Variants in HDAC1 observed in about 807,000 individuals in gnomAD.
HDAC1 encodes histone deacetylase 1, also known as protein deacetylase HDAC1.
HDAC1 carries 18 observed loss-of-function variants against 65.5 expected under a neutral mutation model. The observed-to-expected ratio is 0.27, with a 90% CI of 0.19 to 0.41. The LOEUF (loss-of-function observed/expected upper bound fraction) is 0.41. Ranked by LOEUF, HDAC1 falls within the 10% of genes least tolerant of loss-of-function variation. The pLI is 1.00. For synonymous variants in HDAC1, 211 were observed against 227.9 expected, an observed-to-expected ratio of 0.93 and a Z score of 0.67; for missense variants, 373 against 625.2, an observed-to-expected ratio of 0.60 and a Z score of 4.30.
chr1:32,313,406 T>A (rs1235237520), intron 2 of HDAC1, among the ~76,000 whole-genome samples: 1 of 152,122 alleles, frequency 6.6e-6, no homozygotes, highest in Non-Finnish European at 1.5e-5. Flanking sequence ...CGATAATTAT[T>A]TTAAAAAAGA....
intron 1 of HDAC1, chr1:32,292,485 A>T: frequency 1.0e-6 from 1 of 964,006 alleles, no homozygotes; most frequent in Non-Finnish European, 1.2e-6. Flanking sequence ...GGAGAGTTTG[A>T]GTGGGACTCC....
chr1:32,305,098 A>T (rs1227522281), intron 2 of HDAC1, among the ~76,000 whole-genome samples: 2 of 152,192 alleles, frequency 1.3e-5, no homozygotes, highest in African/African-American at 4.8e-5. Context: ...TTTGATTGTT[A>T]TATAGATGGA....
At position 32,329,038 on chromosome 1, in the gene HDAC1, C is replaced by A; in HGVS notation, c.637-30C>A. ...TGACCTTCCTTCAAGCTTCATCCTT[C>A]AGTTTTACTTTAATGGCCTTTTTAA... On this transcript the variant is annotated intron_variant, in intron 6 of 13. Coordinates refer to ENST00000373548, the MANE Select transcript of HDAC1 (RefSeq NM_004964.3). The surrounding 1 kb of genome is among the most constrained non-coding windows in gnomAD (Gnocchi z 4.1). 1 of 1,318,116 alleles carries A rather than the reference C, an allele frequency of 7.6e-7. No individual in the cohort carries two copies. The highest frequency in any genetic ancestry group is 1.1e-6 in the Non-Finnish European group (1 of 910,596). 81.7% of individuals were successfully genotyped at this position (1,318,116 alleles called of 1,614,324 possible).
intron 3 of HDAC1, among the ~76,000 whole-genome samples, chr1:32,319,078 C>T (rs1046256927): frequency 2.0e-5 from 3 of 151,780 alleles, no homozygotes; most frequent in Non-Finnish European, 4.4e-5. Flanking sequence ...AAGATCGCGC[C>T]ACTGCACTCC....
chr1:32,309,406 G>T (rs936911921), intron 2 of HDAC1, among the ~76,000 whole-genome samples: 4 of 152,058 alleles, frequency 2.6e-5, no homozygotes, highest in African/African-American at 9.7e-5. Flanking sequence ...GACAGCCTTG[G>T]CTGGGTGCCG....
Position 32,305,889 on chromosome 1 carries a change from C to T in HDAC1, c.162+3156C>T, listed in dbSNP as rs115213918. On this transcript the variant is annotated intron_variant, in intron 2 of 13. Coordinates refer to ENST00000373548, the MANE Select transcript of HDAC1 (RefSeq NM_004964.3). ...CCTCCCTAAGTGCTGAGATTACAGG[C>T]GTGAGCCACAGTGCCTGACCCATTT... Among the ~76,000 whole-genome samples, 1,043 of 152,262 alleles carry T rather than the reference C, an allele frequency of 6.9e-3. 16 individuals carry two copies. The highest frequency in any genetic ancestry group is 0.023 in the African/African-American group (967 of 41,558).
At chr1:32,324,373 G>T in intron 3 of HDAC1, 106 bp from the exon 4 acceptor site, 1 of 776,062 alleles carries the variant, frequency 1.3e-6, no homozygotes, top group South Asian at 1.5e-5. Context: ...GCCTGGACTA[G>T]AACCCACACC....
chr1:32,331,795 A>G lies in HDAC1; in HGVS notation c.1208A>G (p.Lys403Arg), dbSNP rs1140673. Residue 403 changes from lysine (K) to arginine (R), a missense_variant, in exon 11 of 14, where the codon AAG becomes AGG. Transcript: ENST00000373548. This position sits in a 1 kb window ranked among gnomAD's most constrained non-coding sequence, Gnocchi z 4.2. ...SGDEDEDDPD[K>R]RISICSSDKR... is the part of the protein sequence containing the mutation. ...GATGAGGACGAAGACGACCCTGACA[A>G]GCGCATCTCGAGTGAGACCCAGACC... 8 of 1,611,728 alleles carry G rather than the reference A, an allele frequency of 5.0e-6. No individual in the cohort carries two copies. The highest frequency in any genetic ancestry group is 6.8e-6 in the Non-Finnish European group (8 of 1,178,808).
chr1:32,318,850 G>A (rs1225244251), intron 3 of HDAC1, among the ~76,000 whole-genome samples: 1 of 152,160 alleles, frequency 6.6e-6, no homozygotes, highest in Non-Finnish European at 1.5e-5. Flanking sequence ...TGGGTGTGGT[G>A]GCTTACGCCT....
chr1:32,295,420 A>T (rs570375549), intron 1 of HDAC1, among the ~76,000 whole-genome samples: 64 of 152,178 alleles, frequency 4.2e-4, no homozygotes, highest in South Asian at 3.1e-3. Context: ...AAAAGAACAT[A>T]AATGTATTTC....
intron 2 of HDAC1, among the ~76,000 whole-genome samples, chr1:32,306,416 G>T (rs578092248): frequency 6.6e-6 from 1 of 151,902 alleles, no homozygotes; most frequent in African/African-American, 2.4e-5. Context: ...CCTTGGCCTC[G>T]CAAAGTCCTG....
At chr1:32,299,528 C>T (rs1640816656) in intron 1 of HDAC1, among the ~76,000 whole-genome samples, 1 of 152,216 alleles carries the variant, frequency 6.6e-6, no homozygotes, top group African/African-American at 2.4e-5. Flanking sequence ...CTTAGTCCCC[C>T]AGGTCTGAGC....
intron 1 of HDAC1, among the ~76,000 whole-genome samples, chr1:32,298,211 C>T (rs990046321): frequency 1.3e-5 from 2 of 151,826 alleles, no homozygotes; most frequent in Non-Finnish European, 2.9e-5. Context: ...CCTCAGCCTT[C>T]CTGAGTAGCT....
In HDAC1 at chr1:32,292,186, G is replaced by A. The variant is rs2124391698; in HGVS notation, c.17G>A (p.Gly6Asp). 6.5e-7 allele frequency: 1 copy of A among 1,548,694 alleles called. No homozygotes were observed. Among genetic ancestry groups the A allele is most frequent in the Non-Finnish European group, 8.7e-7 (1 of 1,146,406 alleles). Residue 6 changes from glycine (G) to aspartate (D), a missense_variant, in exon 1 of 14, where the codon GGC becomes GAC. Physicochemically the swap from Gly to Asp is moderately conservative, Grantham distance 94. Coordinates refer to ENST00000373548, the MANE Select transcript of HDAC1 (RefSeq NM_004964.3). ...GCGAGCAAGATGGCGCAGACGCAGG[G>A]CACCCGGAGGAAAGTCTGTTACTAC... Reference protein sequence around the residue: MAQTQGTRRKVCYYYD... With the variant: MAQTQDTRRKVCYYYD...
intron 1 of HDAC1, among the ~76,000 whole-genome samples, chr1:32,300,487 A>G (rs538827477): frequency 2.6e-5 from 4 of 152,046 alleles, no homozygotes; most frequent in South Asian, 4.2e-4. Flanking sequence ...CCTGGGAGGC[A>G]GAGGTTGCAC....
Position 32,329,223 on chromosome 1 carries a change from A to T in HDAC1, c.729+63A>T. The T allele has an allele frequency of 2.1e-6, 2 of 937,520 alleles. No individual in the cohort carries two copies. Among genetic ancestry groups the T allele is most frequent in the Non-Finnish European group, 3.6e-6 (2 of 562,208 alleles). The allele number at this position is 937,520 out of a possible 1,614,324, so 58.1% of individuals were successfully genotyped here. A position where few individuals can be genotyped will look rare whatever the true frequency, so the allele number is the denominator to read the frequency against. Reference sequence around the variant, plus strand: ...GGATTGGTTGGCGGTGGAGGGGAGCAAAGCACCCCCACCATACCTCAGGAA... The same window carrying T: ...GGATTGGTTGGCGGTGGAGGGGAGCTAAGCACCCCCACCATACCTCAGGAA... On this transcript the variant is annotated intron_variant, in intron 7 of 13. Transcript: ENST00000373548. The surrounding 1 kb of genome is among the most constrained non-coding windows in gnomAD (Gnocchi z 4.1).
In HDAC1 at chr1:32,333,312, A is replaced by G. The variant is rs930911396; in HGVS notation, c.*268A>G. ...GTGAAAGGGATACTTTTATGCAACCATAAGACAAACTCCTGAAATGCCAAG... is the reference window on the plus strand; with the variant it reads ...GTGAAAGGGATACTTTTATGCAACCGTAAGACAAACTCCTGAAATGCCAAG... On this transcript the variant is annotated 3_prime_UTR_variant, in exon 14 of 14. Transcript: ENST00000373548. 1.7e-4 allele frequency: 52 copies of G among 304,950 alleles called. No homozygotes were observed. Among genetic ancestry groups the G allele is most frequent in the Non-Finnish European group, 2.7e-4 (45 of 166,674 alleles). The allele number at this position is 304,950 out of a possible 1,614,324, so 18.9% of individuals were successfully genotyped here.
At chr1:32,315,369 T>C (rs1641046145) in intron 2 of HDAC1, among the ~76,000 whole-genome samples, 2 of 151,766 alleles carry the variant, frequency 1.3e-5, no homozygotes, top group Admixed American at 6.6e-5. Flanking sequence ...TTTATTTTTT[T>C]GAGAGGAAGT....
intron 2 of HDAC1, among the ~76,000 whole-genome samples, chr1:32,315,985 A>C (rs1158378772): frequency 5.4e-5 from 8 of 148,158 alleles, no homozygotes; most frequent in East Asian, 2.1e-4. Context: ...AACAAACAAA[A>C]AAAAACGAAA....
Sources: gnomAD v4.1 joint callset for allele counts (sites outside exome capture counted in the v4.1 genomes callset) on GRCh38, gnomAD v4.1.1 for gene constraint, Gnocchi (gnomAD v3.1) non-coding constraint, MANE v1.5 for transcripts, NCBI Gene and HGNC (gene_info 2026-07-23, HGNC 2026-07-21) for gene names.